The following CRISPLD1 variants were observed in gnomAD, a reference collection of about 807,000 sequenced individuals.
CRISPLD1 encodes the protein cysteine-rich secretory protein LCCL domain-containing 1.
CRISPLD1 carries 60 observed loss-of-function variants against 77.5 expected under a neutral mutation model. The ratio of observed to expected loss-of-function variants is 0.77; its 90% confidence interval spans 0.63 to 0.96. The LOEUF (loss-of-function observed/expected upper bound fraction) is 0.96. CRISPLD1 is among the 40% of genes least tolerant of loss of function. CRISPLD1 has a pLI of 0.00. For missense variants in CRISPLD1, 623 were observed against 615.8 expected, an observed-to-expected ratio of 1.01 and a Z score of -0.12; for synonymous variants, 195 against 200.1, an observed-to-expected ratio of 0.97 and a Z score of 0.22.
rs372944451 is a variant in CRISPLD1, at chr8:75,012,869, T to C, written c.378-21T>C. The stretch of plus-strand genomic sequence containing the variant: ...TTTCTCCAACTTTGCTTGCCCTCTG[T>C]GACTATTTTCTTTCTAATAGATATA... On this transcript the variant is annotated intron_variant, in intron 3 of 14. Coordinates refer to ENST00000262207, the MANE Select transcript of CRISPLD1 (RefSeq NM_031461.6). 2.5e-6 allele frequency: 4 copies of C among 1,594,498 alleles called. No homozygotes were observed. In the African/African-American group the frequency reaches 5.4e-5, roughly 21 times the overall value.
intron 4 of CRISPLD1, among the ~76,000 whole-genome samples, chr8:75,013,589 ATGT>A (rs1165665604): frequency 6.6e-6 from 1 of 152,148 alleles, no homozygotes; most frequent in Non-Finnish European, 1.5e-5. Flanking sequence ...TGAAAAGATC[ATGT>A]TGTATAAGAA....
intron 2 of CRISPLD1, among the ~76,000 whole-genome samples, chr8:74,999,581 C>T (rs907335296): frequency 2.6e-5 from 4 of 152,012 alleles, no homozygotes; most frequent in Non-Finnish European, 5.9e-5. Flanking sequence ...ATGTGGTGGC[C>T]GCTGTTCTAG....
At chr8:75,020,205 T>C (rs1813109086) in intron 12 of CRISPLD1, 126 bp downstream of exon 12, 2 of 728,910 alleles carry the variant, frequency 2.7e-6, no homozygotes, top group Admixed American at 2.4e-5. Context: ...CAATGAAACA[T>C]CATAAACTAC....
At chr8:74,988,562 A>G (rs1037428529) in intron 2 of CRISPLD1, among the ~76,000 whole-genome samples, 1 of 152,154 alleles carries the variant, frequency 6.6e-6, no homozygotes, top group Non-Finnish European at 1.5e-5. Flanking sequence ...TGGGCTGGGC[A>G]CAGTGGTTCA....
intron 6 of CRISPLD1, among the ~76,000 whole-genome samples, chr8:75,015,152 T>C (rs1813006313): frequency 6.6e-6 from 1 of 152,142 alleles, no homozygotes; most frequent in African/African-American, 2.4e-5. Context: ...TACTTTGAAA[T>C]TACCCCAGAA....
At position 75,032,172 on chromosome 8, in the gene CRISPLD1, A is replaced by T. The variant is rs750485110; in HGVS notation, c.1452-19A>T. The T allele has an allele frequency of 6.6e-7, 1 of 1,511,984 alleles. No homozygotes were observed. The highest frequency in any genetic ancestry group is 1.2e-5 in the South Asian group (1 of 86,036). The allele number at this position is 1,511,984 out of a possible 1,614,324, so 93.7% of individuals were successfully genotyped here. ...GAGATGACATCAATATACTTTTCAT[A>T]TATTTTTTTTTTTTGCAGTTTACAG... On this transcript the variant is annotated intron_variant, in intron 14 of 14. Coordinates refer to ENST00000262207, the MANE Select transcript of CRISPLD1 (RefSeq NM_031461.6).
chr8:74,991,255 T>A (rs1019479639), intron 2 of CRISPLD1, among the ~76,000 whole-genome samples: 1 of 152,242 alleles, frequency 6.6e-6, no homozygotes. Context: ...CTTGGCCTCC[T>A]ACAGTGCTGG....
intron 4 of CRISPLD1, 56 bp from the exon 5 acceptor site, chr8:75,013,931 G>A (rs1465212086): frequency 8.1e-6 from 9 of 1,112,390 alleles, no homozygotes; most frequent in African/African-American, 1.5e-5. Context: ...TCTCAGAAGT[G>A]TTGTCCTATT....
At chr8:75,000,966 A>G (rs1201853296) in intron 2 of CRISPLD1, among the ~76,000 whole-genome samples, 1 of 152,174 alleles carries the variant, frequency 6.6e-6, no homozygotes, top group African/African-American at 2.4e-5. Flanking sequence ...AATTGCAAAA[A>G]CATTCTTTTT....
rs556110902 is a variant in CRISPLD1 at position 75,006,714 on chromosome 8, A to C, written c.259-5719A>C. ...ATTTACTAATTTATTTTATTTATTG[A>C]GGAATCTAAAGAATTCTGTAAAACT... On this transcript the variant is annotated intron_variant, in intron 2 of 14. Transcript: ENST00000262207. 2.0e-5 allele frequency among the ~76,000 whole-genome samples: 3 copies of C among 152,164 alleles called. No homozygotes were observed. The East Asian group carries it at 5.8e-4, about 29-fold the overall frequency.
At chr8:74,988,946 C>T (rs67366756) in intron 2 of CRISPLD1, among the ~76,000 whole-genome samples, 18,902 of 152,196 alleles carry the variant, frequency 0.12, 1,720 homozygotes, top group African/African-American at 0.25. Context: ...AGCAAGGACA[C>T]AAGAATTCTT....
At chr8:74,994,275 A>C (rs1195951747) in intron 2 of CRISPLD1, among the ~76,000 whole-genome samples, 1 of 152,210 alleles carries the variant, frequency 6.6e-6, no homozygotes, top group South Asian at 2.1e-4. Flanking sequence ...CTATGTGATC[A>C]TAAAATTAAT....
chr8:75,012,407 C>T, intron 2 of CRISPLD1, 26 bp from the exon 3 acceptor site: 2 of 1,373,352 alleles, frequency 1.5e-6, no homozygotes, highest in Non-Finnish European at 2.1e-6. Flanking sequence ...TACATGTGCA[C>T]ATTTTGCTTT....
intron 12 of CRISPLD1, among the ~76,000 whole-genome samples, chr8:75,021,559 G>T (rs1225702248): frequency 6.6e-6 from 1 of 152,072 alleles, no homozygotes; most frequent in African/African-American, 2.4e-5. Flanking sequence ...TTTACCATTT[G>T]ACCACCAATG....
At chr8:75,013,072 A>G (rs749147587) in intron 4 of CRISPLD1, 50 bp downstream of exon 4, 1 of 1,404,690 alleles carries the variant, frequency 7.1e-7, no homozygotes, top group Admixed American at 2.4e-5. Flanking sequence ...AGTTAATGTA[A>G]CTATGAAAGA....
intron 12 of CRISPLD1, among the ~76,000 whole-genome samples, chr8:75,022,822 T>A (rs2128787693): frequency 6.6e-6 from 1 of 152,084 alleles, no homozygotes; most frequent in Admixed American, 6.5e-5. Flanking sequence ...TTCCTGCAAG[T>A]CATGTCCTTG....
chr8:75,024,232 C>T (rs925231423), intron 12 of CRISPLD1, among the ~76,000 whole-genome samples: 1 of 152,206 alleles, frequency 6.6e-6, no homozygotes, highest in Admixed American at 6.5e-5. Flanking sequence ...TATTGACCTT[C>T]CTGAGGCTCT....
intron 12 of CRISPLD1, among the ~76,000 whole-genome samples, chr8:75,021,326 A>G (rs1813132247): frequency 6.6e-6 from 1 of 152,220 alleles, no homozygotes; most frequent in Admixed American, 6.5e-5. Context: ...CAGATGTGAT[A>G]TAAACAATAA....
intron 2 of CRISPLD1, among the ~76,000 whole-genome samples, chr8:75,010,651 A>T (rs1374955915): frequency 5.3e-5 from 8 of 151,854 alleles, no homozygotes; most frequent in Non-Finnish European, 1.0e-4. Context: ...ACTCCCAAAA[A>T]TATCTTCTCT....
Sources: allele counts gnomAD v4.1 joint callset (sites outside exome capture counted in the v4.1 genomes callset), GRCh38; gene constraint gnomAD v4.1.1; transcripts MANE v1.5; gene names NCBI Gene and HGNC (gene_info 2026-07-23, HGNC 2026-07-21).